The following CYBRD1 variants were observed in gnomAD, a reference collection of about 807,000 sequenced individuals.
The protein encoded by CYBRD1 is cytochrome b reductase 1, also known as plasma membrane ascorbate-dependent reductase CYBRD1.
In CYBRD1, 14 loss-of-function variants were observed where a neutral mutation model predicts 21.9. The ratio of observed to expected loss-of-function variants is 0.64; its 90% CI spans 0.42 to 1.00. CYBRD1 has a LOEUF of 1.00. CYBRD1 is among the 50% of genes least tolerant of loss of function. The pLI, the probability that CYBRD1 is intolerant of heterozygous loss-of-function variation, is 0.00. For synonymous variants in CYBRD1, 146 were observed against 136.5 expected (o/e 1.07, Z -0.48); for missense variants, 328 against 352.5 (o/e 0.93, Z 0.56).
At chr2:171,550,012 C>T (rs995198380) in intron 2 of CYBRD1, among the ~76,000 whole-genome samples, 1 of 152,146 alleles carries the variant, frequency 6.6e-6, no homozygotes, top group East Asian at 1.9e-4. Flanking sequence ...ATCGTCTGGG[C>T]AGTTTGTTAA....
chr2:171,542,043 T>A (rs1296245492), intron 2 of CYBRD1, among the ~76,000 whole-genome samples: 1 of 151,792 alleles, frequency 6.6e-6, no homozygotes, highest in Admixed American at 6.6e-5. Flanking sequence ...TTTTGTATTT[T>A]AGTAGAGATG....
intron 2 of CYBRD1, among the ~76,000 whole-genome samples, chr2:171,550,403 A>G (rs1408295105): frequency 1.3e-5 from 2 of 152,054 alleles, no homozygotes; most frequent in Non-Finnish European, 2.9e-5. Context: ...CTTTAAATGC[A>G]TGCCTTCTGT....
Position 171,541,503 on chromosome 2 carries a change from T to C in CYBRD1, c.194-82T>C. On this transcript the variant is annotated intron_variant, in intron 1 of 3. Coordinates refer to ENST00000321348, the MANE Select transcript of CYBRD1 (RefSeq NM_024843.4). ...AGGGAAAAAGGTTTCAAAAAGGGAGTGTCCAGTGTGTCAAACTGTTCATTT... is the reference window on the plus strand; with the variant it reads ...AGGGAAAAAGGTTTCAAAAAGGGAGCGTCCAGTGTGTCAAACTGTTCATTT... The C allele has an allele frequency of 2.2e-6, 3 of 1,340,682 alleles. No individual in the cohort carries two copies. The South Asian group carries it at 3.6e-5, about 16-fold the overall frequency. 83.0% of individuals were successfully genotyped at this position (1,340,682 alleles called of 1,614,324 possible).
rs1266117772 is a variant in CYBRD1, at chr2:171,522,815, C to T, written c.193+77C>T. 2 of 1,592,468 alleles carry T rather than the reference C, an allele frequency of 1.3e-6. No homozygotes were observed. Among genetic ancestry groups the T allele is most frequent in the Non-Finnish European group, 1.7e-6 (2 of 1,169,516 alleles). ...GGGCAGAGGGTCCTCCGTGAAGCCC[C>T]TTCCAGCTGAGGAAGTGCTGGAGGA... On this transcript the variant is annotated intron_variant, in intron 1 of 3. Transcript: ENST00000321348. This position sits in a 1 kb window ranked among gnomAD's most constrained non-coding sequence, Gnocchi z 4.3.
chr2:171,542,453 C>T (rs958836683), intron 2 of CYBRD1, among the ~76,000 whole-genome samples: 6 of 152,018 alleles, frequency 3.9e-5, no homozygotes, highest in Non-Finnish European at 5.9e-5. Flanking sequence ...AGTTCAAGAC[C>T]AGACTGGGCA....
intron 1 of CYBRD1, among the ~76,000 whole-genome samples, chr2:171,524,186 C>T (rs1034844760): frequency 7.9e-5 from 2 of 25,358 alleles, no homozygotes; most frequent in Non-Finnish European, 1.5e-4. Flanking sequence ...GGTGTGAGAT[C>T]GGCATCAGGG....
chr2:171,529,753 G>A (rs1697436481), intron 1 of CYBRD1, among the ~76,000 whole-genome samples: 1 of 152,098 alleles, frequency 6.6e-6, no homozygotes, highest in Non-Finnish European at 1.5e-5. Flanking sequence ...CTGCACTGGT[G>A]AGATCAGAGC....
chr2:171,524,399 C>A (rs1263912485), intron 1 of CYBRD1, among the ~76,000 whole-genome samples: 1 of 152,206 alleles, frequency 6.6e-6, no homozygotes, highest in Non-Finnish European at 1.5e-5. Flanking sequence ...AAGAGTAGAG[C>A]CAGTCTCCTC....
At chr2:171,532,501 G>T (rs905269913) in intron 1 of CYBRD1, among the ~76,000 whole-genome samples, 5 of 152,046 alleles carry the variant, frequency 3.3e-5, no homozygotes, top group Admixed American at 1.3e-4. Flanking sequence ...TGAGTTTTTT[G>T]ATTTGTGCAT....
intron 2 of CYBRD1, 90 bp downstream of exon 2, chr2:171,541,883 G>A: frequency 1.4e-6 from 1 of 719,422 alleles, no homozygotes; most frequent in Non-Finnish European, 2.0e-6. Flanking sequence ...TTTTTTTTTT[G>A]AGACAGAGTC....
chr2:171,552,825 G>T (rs1041964432), intron 2 of CYBRD1, among the ~76,000 whole-genome samples: 5 of 152,134 alleles, frequency 3.3e-5, no homozygotes, highest in African/African-American at 9.7e-5. Context: ...TAGCTTTTTA[G>T]GTTGAACTGA....
intron 2 of CYBRD1, among the ~76,000 whole-genome samples, chr2:171,550,507 T>G (rs1211248808): frequency 1.3e-5 from 2 of 152,178 alleles, no homozygotes; most frequent in Non-Finnish European, 2.9e-5. Flanking sequence ...TGTAAGGTAG[T>G]AAGATTAAGA....
Position 171,557,050 on chromosome 2 carries a change from CTTTAT to C in CYBRD1, c.*2229_*2233del, listed in dbSNP as rs1683499306. On this transcript the variant is annotated 3_prime_UTR_variant, in exon 4 of 4. Transcript: ENST00000321348. ...TATTTAAGCACCCCCCATCTCAGCC[CTTTAT>C]TTTATCTTTCATGTGGGCTAATGTG... 6.6e-6 allele frequency: 1 copy of C among 152,532 alleles called. No homozygotes were observed. The highest frequency in any genetic ancestry group is 2.4e-5 in the African/African-American group (1 of 41,414). The allele number at this position is 152,532 out of a possible 1,614,324, so 9.4% of individuals were successfully genotyped here.
chr2:171,522,885 A>G lies in CYBRD1; in HGVS notation c.193+147A>G, dbSNP rs1697329503. ...GCGGTGAGGAGCGCGCGGGAAGCCA[A>G]GTCGGCTGGGCGGGAGGGAGGCTGG... is the stretch of plus-strand genomic sequence containing the variant. On this transcript the variant is annotated intron_variant, in intron 1 of 3. Coordinates refer to ENST00000321348, the MANE Select transcript of CYBRD1 (RefSeq NM_024843.4). This position sits in a 1 kb window ranked among gnomAD's most constrained non-coding sequence, Gnocchi z 4.3. 7.5e-7 allele frequency: 1 copy of G among 1,333,084 alleles called. No individual in the cohort carries two copies. The highest frequency in any genetic ancestry group is 1.4e-5 in the South Asian group (1 of 71,716). 82.6% of individuals were successfully genotyped at this position (1,333,084 alleles called of 1,614,324 possible). A position where few individuals can be genotyped will look rare whatever the true frequency, so the allele number is the denominator to read the frequency against.
chr2:171,545,262 G>A (rs1415658274), intron 2 of CYBRD1, among the ~76,000 whole-genome samples: 1 of 151,848 alleles, frequency 6.6e-6, no homozygotes, highest in African/African-American at 2.4e-5. Flanking sequence ...GAGTACAGAT[G>A]CGTCACATTT....
intron 1 of CYBRD1, chr2:171,540,872 C>T (rs1178105881): frequency 1.3e-5 from 2 of 148,828 alleles, no homozygotes; most frequent in African/African-American, 5.0e-5. Context: ...AAGCGATTCT[C>T]GTGCCTCAGC....
intron 2 of CYBRD1, among the ~76,000 whole-genome samples, chr2:171,545,660 A>G (rs1275654769): frequency 6.7e-6 from 1 of 150,222 alleles, no homozygotes; most frequent in East Asian, 2.0e-4. Context: ...AAGTGCTGGG[A>G]TTACAGGTGT....
chr2:171,532,875 A>ATGTGTGTG lies in CYBRD1; in HGVS notation c.194-8680_194-8673dup, dbSNP rs10618404. Among the ~76,000 whole-genome samples the ATGTGTGTG allele has an allele frequency of 8.8e-3, 1,297 of 147,388 alleles. 9 individuals are homozygous for ATGTGTGTG. Among genetic ancestry groups the ATGTGTGTG allele is most frequent in the Admixed American group, 0.022 (317 of 14,672 alleles). On this transcript the variant is annotated intron_variant, in intron 1 of 3. Coordinates refer to ENST00000321348, the MANE Select transcript of CYBRD1 (RefSeq NM_024843.4). ...ATTAGCTTGATTTAACCATTTCACG[A>ATGTGTGTG]TGTGTGTGTGTGTGTGTGTGTGTGT... is the stretch of plus-strand genomic sequence containing the variant.
Position 171,522,845 on chromosome 2 carries a change from G to T in CYBRD1, c.193+107G>T, listed in dbSNP as rs1574429042. Reference sequence around the variant, plus strand: ...AGCTGAGGAAGTGCTGGAGGATCGCGGGGCCCGGAGGAGTGCGGTGAGGAG... The same window carrying T: ...AGCTGAGGAAGTGCTGGAGGATCGCTGGGCCCGGAGGAGTGCGGTGAGGAG... On this transcript the variant is annotated intron_variant, in intron 1 of 3. Transcript: ENST00000321348. This position sits in a 1 kb window ranked among gnomAD's most constrained non-coding sequence, Gnocchi z 4.3. 6.5e-7 allele frequency: 1 copy of T among 1,530,946 alleles called. No homozygotes were observed. The highest frequency in any genetic ancestry group is 8.8e-7 in the Non-Finnish European group (1 of 1,135,422). The allele number at this position is 1,530,946 out of a possible 1,614,324, so 94.8% of individuals were successfully genotyped here. A position where few individuals can be genotyped will look rare whatever the true frequency, so the allele number is the denominator to read the frequency against.
Sources: gnomAD v4.1 joint callset for allele counts (sites outside exome capture counted in the v4.1 genomes callset) on GRCh38, gnomAD v4.1.1 for gene constraint, Gnocchi (gnomAD v3.1) non-coding constraint, MANE v1.5 for transcripts, NCBI Gene and HGNC (gene_info 2026-07-23, HGNC 2026-07-21) for gene names.